The following CAMKK2 variants were observed in gnomAD, a reference collection of about 807,000 sequenced individuals.
CAMKK2 encodes calcium/calmodulin-dependent protein kinase kinase 2.
CAMKK2 carries 30 observed loss-of-function variants against 67.2 expected under a neutral mutation model. That is an observed-to-expected ratio of 0.45 (90% CI 0.33 to 0.61). The LOEUF is 0.61. Among genes scored for constraint, CAMKK2 ranks in the 20% least tolerant of loss-of-function variants. CAMKK2 has a pLI of 0.02. For missense variants in CAMKK2, 643 were observed against 802.0 expected, an observed-to-expected ratio of 0.80 and a Z score of 2.39; for synonymous variants, 322 against 326.2, an observed-to-expected ratio of 0.99 and a Z score of 0.14.
chr12:121,272,434 C>A (rs1191456357), intron 2 of CAMKK2, among the ~76,000 whole-genome samples: 2 of 152,192 alleles, frequency 1.3e-5, no homozygotes, highest in Non-Finnish European at 2.9e-5. Context: ...GGAGCCATTG[C>A]TCATAGGTCC....
Position 121,274,601 on chromosome 12 carries a change from G to A in CAMKK2, c.-59-16C>T. ...GCGGAGCCACCTGCAGAAAGAGAAA[G>A]GGTCAGCTGGCCCAGCTCCTACGGG... On this transcript the variant is annotated splice_polypyrimidine_tract_variant and intron_variant, in intron 1 of 16. Transcript: ENST00000404169. 1 of 1,058,718 alleles carries A rather than the reference G, an allele frequency of 9.4e-7. No individual in the cohort carries two copies. The highest frequency in any genetic ancestry group is 1.6e-5 in the South Asian group (1 of 64,234). 65.6% of individuals were successfully genotyped at this position (1,058,718 alleles called of 1,614,324 possible).
chr12:121,244,499 C>G, intron 16 of CAMKK2, 74 bp downstream of exon 16: 1 of 1,407,628 alleles, frequency 7.1e-7, no homozygotes, highest in Non-Finnish European at 9.8e-7. Context: ...TGGGGATGCC[C>G]CCGTGCTCTG....
At chr12:121,243,057 G>GA (rs1338173147) in intron 16 of CAMKK2, among the ~76,000 whole-genome samples, 1 of 142,282 alleles carries the variant, frequency 7.0e-6, no homozygotes, top group Non-Finnish European at 1.5e-5. Flanking sequence ...TTTTGAGACA[G>GA]ATTTTTGCTC....
At chr12:121,277,784 T>C (rs1443883571) in intron 1 of CAMKK2, among the ~76,000 whole-genome samples, 1 of 152,124 alleles carries the variant, frequency 6.6e-6, no homozygotes, top group Non-Finnish European at 1.5e-5. Flanking sequence ...CCGGCCAATA[T>C]GGTGAAACCC....
intron 2 of CAMKK2, among the ~76,000 whole-genome samples, chr12:121,273,854 T>C (rs1593427326): frequency 6.6e-6 from 1 of 152,058 alleles, no homozygotes; most frequent in Admixed American, 6.5e-5. Context: ...GCTGACTGCC[T>C]TCCCTTCCCC....
chr12:121,272,181 C>T (rs75069620), intron 2 of CAMKK2, among the ~76,000 whole-genome samples: 7,440 of 152,298 alleles, frequency 0.049, 575 homozygotes, highest in African/African-American at 0.17. Context: ...CCACAGGCCA[C>T]TCTACCCAAT....
chr12:121,260,508 T>C (rs766010132), intron 6 of CAMKK2, 153 bp from the exon 7 acceptor site: 11 of 685,796 alleles, frequency 1.6e-5, no homozygotes, highest in South Asian at 1.1e-4. Flanking sequence ...AGATGGAAGA[T>C]AGGGAAAACC....
chr12:121,270,512 C>T (rs892305384), intron 3 of CAMKK2, among the ~76,000 whole-genome samples: 1 of 152,146 alleles, frequency 6.6e-6, no homozygotes, highest in African/African-American at 2.4e-5. Flanking sequence ...ATGCCTCACT[C>T]CTTTATATTA....
chr12:121,250,121 G>T, intron 11 of CAMKK2, 87 bp from the exon 12 acceptor site: 1 of 998,480 alleles, frequency 1.0e-6, no homozygotes, highest in Non-Finnish European at 1.5e-6. Context: ...CTCCACATAG[G>T]ATACAGCAGA....
chr12:121,251,678 T>G (rs1427909822), intron 11 of CAMKK2, among the ~76,000 whole-genome samples: 1 of 151,724 alleles, frequency 6.6e-6, no homozygotes, highest in East Asian at 1.9e-4. Context: ...AATACAAAAA[T>G]TAGCCGGGTG....
chr12:121,294,460 A>G (rs928331951), intron 1 of CAMKK2, among the ~76,000 whole-genome samples: 1 of 152,216 alleles, frequency 6.6e-6, no homozygotes, highest in African/African-American at 2.4e-5. Context: ...CACTAGCCAT[A>G]TCTAAGGATG....
At chr12:121,268,377 A>G (rs1015241982) in intron 5 of CAMKK2, among the ~76,000 whole-genome samples, 1 of 151,984 alleles carries the variant, frequency 6.6e-6, no homozygotes, top group Non-Finnish European at 1.5e-5. Flanking sequence ...TGATACCTAT[A>G]TAACTTTAAT....
At chr12:121,248,305 G>A (rs2686343) in intron 14 of CAMKK2, among the ~76,000 whole-genome samples, 61,821 of 152,056 alleles carry the variant, frequency 0.41, 13,141 homozygotes, top group Non-Finnish European at 0.48. Context: ...CCTGGGCTCC[G>A]GCTCCCAACC....
At chr12:121,267,816 C>G (rs533798843) in intron 5 of CAMKK2, among the ~76,000 whole-genome samples, 1 of 151,876 alleles carries the variant, frequency 6.6e-6, no homozygotes, top group African/African-American at 2.4e-5. Context: ...TTTTCAATGC[C>G]TCCCTAAATA....
At chr12:121,260,778 C>A (rs1055477767) in intron 6 of CAMKK2, among the ~76,000 whole-genome samples, 3 of 151,962 alleles carry the variant, frequency 2.0e-5, no homozygotes, top group Non-Finnish European at 4.4e-5. Context: ...CATGGAGAAA[C>A]CCCATCTCTA....
chr12:121,244,959 G>C lies in CAMKK2; in HGVS notation c.1553+181C>G, dbSNP rs562688147. Among the ~76,000 whole-genome samples the C allele has an allele frequency of 2.6e-5, 4 of 152,364 alleles. No individual in the cohort carries two copies. The South Asian group carries it at 8.3e-4, about 32-fold the overall frequency. ...TCAGGTGGATTAGCTGTCAGCAAAAGGAGGTGGGCTGAGCCCAGGTTGGGG... is the reference window on the plus strand; with the variant it reads ...TCAGGTGGATTAGCTGTCAGCAAAACGAGGTGGGCTGAGCCCAGGTTGGGG... On this transcript the variant is annotated intron_variant, in intron 15 of 16. Transcript: ENST00000404169.
chr12:121,255,138 C>A (rs1469722624), intron 9 of CAMKK2, among the ~76,000 whole-genome samples: 1 of 137,450 alleles, frequency 7.3e-6, no homozygotes, highest in East Asian at 2.0e-4. Flanking sequence ...AGCTTGCAGA[C>A]AGACTATATT....
intron 5 of CAMKK2, among the ~76,000 whole-genome samples, chr12:121,267,103 C>CTTT (rs1200740861): frequency 0.025 from 884 of 35,108 alleles, 91 homozygotes; most frequent in African/African-American, 0.09. Context: ...TTTAATTTAT[C>CTTT]TTTTTTTTTT....
At chr12:121,268,586 C>T in intron 5 of CAMKK2, 52 bp downstream of exon 5, 4 of 1,542,224 alleles carry the variant, frequency 2.6e-6, no homozygotes, top group Non-Finnish European at 3.6e-6. Context: ...GGGGGCTCTG[C>T]CCTGTCTTGT....
Sources: allele counts gnomAD v4.1 joint callset (sites outside exome capture counted in the v4.1 genomes callset), GRCh38; gene constraint gnomAD v4.1.1; transcripts MANE v1.5; gene names NCBI Gene and HGNC (gene_info 2026-07-23, HGNC 2026-07-21).